PIP4K2A: variants seen among roughly 807,000 people sequenced by gnomAD.
PIP4K2A encodes phosphatidylinositol-5-phosphate 4-kinase type 2 alpha.
Under a neutral mutation model 42.9 loss-of-function variants are expected in PIP4K2A, and 14 were observed. The ratio of observed to expected loss-of-function variants is 0.33; its 90% CI spans 0.22 to 0.51. The LOEUF is 0.51. PIP4K2A is among the 20% of genes least tolerant of loss of function. The pLI is 0.97. For synonymous variants in PIP4K2A, 192 were observed against 192.2 expected (o/e 1.00, Z 0.01); for missense variants, 434 against 519.8 (o/e 0.83, Z 1.61).
At chr10:22,541,694 G>A in intron 8 of PIP4K2A, 110 bp downstream of exon 8, 6 of 1,218,522 alleles carry the variant, frequency 4.9e-6, no homozygotes, top group African/African-American at 1.5e-5. Flanking sequence ...TTTGGAGGAT[G>A]AGTGCTGCCG....
intron 1 of PIP4K2A, chr10:22,641,954 T>C (rs905735214): frequency 2.0e-5 from 3 of 152,328 alleles, no homozygotes; most frequent in Non-Finnish European, 4.4e-5. Context: ...AGCAGACCAA[T>C]GAGTTTTCTT....
chr10:22,564,823 C>T (rs923621083), intron 6 of PIP4K2A, among the ~76,000 whole-genome samples: 48 of 152,224 alleles, frequency 3.2e-4, no homozygotes, highest in South Asian at 2.1e-4. Context: ...GGTCCCCACT[C>T]GCCCTCACCG....
chr10:22,589,165 A>C (rs1313704128), intron 4 of PIP4K2A, among the ~76,000 whole-genome samples: 1 of 152,228 alleles, frequency 6.6e-6, no homozygotes, highest in African/African-American at 2.4e-5. Context: ...TTTTAGAACA[A>C]TATGCTCTCA....
At chr10:22,671,177 T>C (rs891051545) in intron 1 of PIP4K2A, among the ~76,000 whole-genome samples, 4 of 152,160 alleles carry the variant, frequency 2.6e-5, no homozygotes, top group African/African-American at 4.8e-5. Flanking sequence ...TATTTATATA[T>C]ACACACACAT....
At position 22,535,202 on chromosome 10, in the gene PIP4K2A, A is replaced by ACTTCAGGGTC. The variant is rs1308620197; in HGVS notation, c.*1998_*1999insGACCCTGAAG. The ACTTCAGGGTC allele has an allele frequency of 6.6e-6, 1 of 152,270 alleles. No individual in the cohort carries two copies. The highest frequency in any genetic ancestry group is 1.5e-5 in the Non-Finnish European group (1 of 68,052). The allele number at this position is 152,270 out of a possible 1,614,324, so 9.4% of individuals were successfully genotyped here. ...TACTCAAATAATGTATGTGTACCTT[A>ACTTCAGGGTC]TCTTTACTTCAGGGTCTCATGGTTG... On this transcript the variant is annotated 3_prime_UTR_variant, in exon 10 of 10. Transcript: ENST00000376573.
intron 7 of PIP4K2A, among the ~76,000 whole-genome samples, chr10:22,547,121 A>T (rs1836275022): frequency 6.6e-6 from 1 of 152,142 alleles, no homozygotes; most frequent in Non-Finnish European, 1.5e-5. Flanking sequence ...TATCCTTCAC[A>T]ATGGTTCTCA....
chr10:22,617,612 C>T (rs1838203202), intron 1 of PIP4K2A, among the ~76,000 whole-genome samples: 1 of 152,150 alleles, frequency 6.6e-6, no homozygotes, highest in East Asian at 1.9e-4. Context: ...GATACTTAAT[C>T]TGATTATAAT....
intron 4 of PIP4K2A, among the ~76,000 whole-genome samples, chr10:22,583,245 G>C (rs921590010): frequency 1.3e-5 from 2 of 152,220 alleles, no homozygotes; most frequent in African/African-American, 4.8e-5. Flanking sequence ...CTCCACGTAT[G>C]ACCGCTGGCA....
chr10:22,669,268 A>G (rs1412850053), intron 1 of PIP4K2A, among the ~76,000 whole-genome samples: 1 of 152,342 alleles, frequency 6.6e-6, no homozygotes, highest in South Asian at 2.1e-4. Context: ...TATGAGCCGC[A>G]TAACGACACT....
chr10:22,691,329 C>T (rs1476234112), intron 1 of PIP4K2A, among the ~76,000 whole-genome samples: 5 of 152,074 alleles, frequency 3.3e-5, no homozygotes. Flanking sequence ...ATCCATATAC[C>T]GGCCCTCTTT....
At chr10:22,591,451 A>T (rs1176253613) in intron 4 of PIP4K2A, among the ~76,000 whole-genome samples, 178 bp downstream of exon 4, 3 of 152,240 alleles carry the variant, frequency 2.0e-5, no homozygotes, top group Non-Finnish European at 4.4e-5. Context: ...AGCATGCCTA[A>T]AGGTTAACTG....
At chr10:22,680,918 G>A (rs1839647196) in intron 1 of PIP4K2A, among the ~76,000 whole-genome samples, 1 of 152,162 alleles carries the variant, frequency 6.6e-6, no homozygotes, top group Non-Finnish European at 1.5e-5. Context: ...CATGTAGCAA[G>A]CCACAAAGAT....
intron 1 of PIP4K2A, among the ~76,000 whole-genome samples, chr10:22,632,763 G>A (rs1386238908): frequency 6.6e-6 from 1 of 152,006 alleles, no homozygotes; most frequent in African/African-American, 2.4e-5. Flanking sequence ...AAATTATGGG[G>A]AAAAAAGGTA....
chr10:22,616,410 C>T (rs1000615873), intron 1 of PIP4K2A, among the ~76,000 whole-genome samples: 47 of 152,132 alleles, frequency 3.1e-4, no homozygotes, highest in African/African-American at 1.1e-3. Context: ...TATTATCATG[C>T]CCATTACACA....
chr10:22,658,433 C>G (rs1471921814), intron 1 of PIP4K2A, among the ~76,000 whole-genome samples: 2 of 152,292 alleles, frequency 1.3e-5, no homozygotes. Context: ...TTTCATATAA[C>G]TGTAAGAATC....
intron 1 of PIP4K2A, among the ~76,000 whole-genome samples, chr10:22,683,432 G>A (rs1037812528): frequency 1.3e-5 from 2 of 152,162 alleles, no homozygotes; most frequent in South Asian, 2.1e-4. Context: ...GATCCTGACC[G>A]CAGAGCTGAC....
chr10:22,628,840 G>A (rs963340830), intron 1 of PIP4K2A, among the ~76,000 whole-genome samples: 9 of 152,184 alleles, frequency 5.9e-5, no homozygotes, highest in African/African-American at 2.2e-4. Flanking sequence ...GACTGTAAAT[G>A]CTTCTTATCA....
At chr10:22,621,420 T>A (rs932612203) in intron 1 of PIP4K2A, among the ~76,000 whole-genome samples, 2 of 152,244 alleles carry the variant, frequency 1.3e-5, no homozygotes, top group African/African-American at 4.8e-5. Flanking sequence ...ATATTTAATA[T>A]GCTAAAATAA....
intron 1 of PIP4K2A, among the ~76,000 whole-genome samples, chr10:22,700,647 G>A (rs1383587650): frequency 1.3e-5 from 2 of 152,160 alleles, no homozygotes; most frequent in African/African-American, 4.8e-5. Context: ...CAATACTGAC[G>A]TCAGCCCCCA....
Sources: gnomAD v4.1 joint callset for allele counts (sites outside exome capture counted in the v4.1 genomes callset) on GRCh38, gnomAD v4.1.1 for gene constraint, MANE v1.5 for transcripts, NCBI Gene and HGNC (gene_info 2026-07-23, HGNC 2026-07-21) for gene names.